AGBL1: variants seen among roughly 807,000 people sequenced by gnomAD.
AGBL1 encodes cytosolic carboxypeptidase 4.
AGBL1 carries 130 observed loss-of-function variants against 118.9 expected under a neutral mutation model. The observed-to-expected ratio is 1.09, with a 90% CI of 0.95 to 1.26. The LOEUF (loss-of-function observed/expected upper bound fraction) is 1.26, where lower values mean the gene tolerates loss of function less well. Among genes scored for constraint, AGBL1 ranks in the 50% most tolerant of loss-of-function variants. AGBL1 has a pLI of 0.00. For synonymous variants in AGBL1, 555 were observed against 478.9 expected, an observed-to-expected ratio of 1.16 and a Z score of -2.08; for missense variants, 1,584 against 1,298.1, an observed-to-expected ratio of 1.22 and a Z score of -3.38.
intron 23 of AGBL1, among the ~76,000 whole-genome samples, chr15:86,925,184 AG>A (rs113840767): frequency 0.59 from 78,911 of 132,860 alleles, 24,041 homozygotes; most frequent in East Asian, 0.68. Context: ...GAAGAGGAAG[AG>A]GAAGAAAAGA....
intron 23 of AGBL1, among the ~76,000 whole-genome samples, chr15:86,965,394 T>C (rs1218715180): frequency 6.6e-6 from 1 of 151,716 alleles, no homozygotes; most frequent in East Asian, 1.9e-4. Flanking sequence ...GATGATGAAC[T>C]TTTTTTTTCA....
At chr15:86,324,763 G>A (rs1272389879) in intron 17 of AGBL1, among the ~76,000 whole-genome samples, 1 of 152,170 alleles carries the variant, frequency 6.6e-6, no homozygotes, top group East Asian at 1.9e-4. Context: ...AGAACAGGAT[G>A]GCCTCTTTGA....
intron 22 of AGBL1, among the ~76,000 whole-genome samples, chr15:86,823,396 C>A (rs76923582): frequency 0.087 from 13,211 of 152,188 alleles, 643 homozygotes; most frequent in South Asian, 0.14. Flanking sequence ...GGACAACAGT[C>A]TGTCAGTGCC....
intron 1 of AGBL1, among the ~76,000 whole-genome samples, chr15:86,131,600 T>C (rs539475221): frequency 6.6e-6 from 1 of 152,272 alleles, no homozygotes; most frequent in East Asian, 1.9e-4. Context: ...GAATTTTGTT[T>C]TAAGAATTAA....
At chr15:86,725,749 C>T (rs1596409966) in intron 22 of AGBL1, among the ~76,000 whole-genome samples, 3 of 152,262 alleles carry the variant, frequency 2.0e-5, no homozygotes, top group African/African-American at 7.2e-5. Flanking sequence ...TGTTCTGATG[C>T]CACTGGTAGG....
chr15:86,856,483 C>T (rs941066298), intron 22 of AGBL1, among the ~76,000 whole-genome samples: 2 of 152,154 alleles, frequency 1.3e-5, no homozygotes, highest in African/African-American at 4.8e-5. Flanking sequence ...AGGCAAATGT[C>T]TTTGTGAAGC....
At chr15:86,926,868 C>T (rs1037146634) in intron 23 of AGBL1, among the ~76,000 whole-genome samples, 9 of 152,134 alleles carry the variant, frequency 5.9e-5, no homozygotes, top group Non-Finnish European at 7.3e-5. Context: ...AGGCCAGGCG[C>T]GGTAGCTCAT....
intron 18 of AGBL1, among the ~76,000 whole-genome samples, chr15:86,428,073 C>T (rs1049347141): frequency 6.6e-6 from 1 of 152,142 alleles, no homozygotes; most frequent in Non-Finnish European, 1.5e-5. Flanking sequence ...CCATGGATGG[C>T]TTGTCTCTTA....
At chr15:86,204,709 C>G (rs1482062570) in intron 5 of AGBL1, among the ~76,000 whole-genome samples, 3 of 152,174 alleles carry the variant, frequency 2.0e-5, no homozygotes, top group African/African-American at 7.2e-5. Flanking sequence ...CCTGCCTCAG[C>G]CTCCCGAGTA....
intron 22 of AGBL1, among the ~76,000 whole-genome samples, chr15:86,684,125 G>T (rs1459201438): frequency 6.6e-6 from 1 of 152,114 alleles, no homozygotes; most frequent in East Asian, 1.9e-4. Flanking sequence ...GGAGGCTAAT[G>T]AACAGGAGAA....
At chr15:86,760,371 C>T (rs1446065119) in intron 22 of AGBL1, among the ~76,000 whole-genome samples, 2 of 152,002 alleles carry the variant, frequency 1.3e-5, no homozygotes, top group East Asian at 3.9e-4. Flanking sequence ...AAATCATTAG[C>T]TCCACACCCG....
chr15:86,293,990 T>C (rs1163299996), intron 16 of AGBL1, among the ~76,000 whole-genome samples: 3 of 152,092 alleles, frequency 2.0e-5, no homozygotes, highest in Non-Finnish European at 2.9e-5. Flanking sequence ...CCCTCTCTGG[T>C]TACTGAAATT....
intron 21 of AGBL1, among the ~76,000 whole-genome samples, chr15:86,671,439 A>G (rs535185153): frequency 6.6e-6 from 1 of 152,272 alleles, no homozygotes; most frequent in Non-Finnish European, 1.5e-5. Flanking sequence ...TGTGGAAAAA[A>G]TTTCTAATTA....
At chr15:86,220,915 G>A (rs1286543260) in intron 5 of AGBL1, among the ~76,000 whole-genome samples, 2 of 152,034 alleles carry the variant, frequency 1.3e-5, no homozygotes, top group African/African-American at 4.8e-5. Context: ...TCTTCAGGCC[G>A]TGCACAGTGA....
At chr15:86,953,523 C>T (rs991811021) in intron 23 of AGBL1, among the ~76,000 whole-genome samples, 17 of 151,432 alleles carry the variant, frequency 1.1e-4, no homozygotes, top group Admixed American at 2.0e-4. Flanking sequence ...CCCAAGTAGC[C>T]GGGACTACAG....
At chr15:86,645,116 T>A (rs896801087) in intron 21 of AGBL1, among the ~76,000 whole-genome samples, 4 of 152,224 alleles carry the variant, frequency 2.6e-5, no homozygotes, top group Non-Finnish European at 4.4e-5. Context: ...AATATCAACA[T>A]GTTAATATTA....
chr15:86,424,992 A>G (rs1278257502), intron 18 of AGBL1, among the ~76,000 whole-genome samples: 6 of 151,646 alleles, frequency 4.0e-5, no homozygotes, highest in African/African-American at 1.5e-4. Flanking sequence ...TGATTCCTCA[A>G]GAATCTAGAA....
At chr15:86,838,180 TAAA>T (rs36126026) in intron 22 of AGBL1, among the ~76,000 whole-genome samples, 1 of 146,076 alleles carries the variant, frequency 6.8e-6, no homozygotes, top group Non-Finnish European at 1.5e-5. Context: ...CTCTGTAACC[TAAA>T]AAAAAAAAAA....
chr15:86,607,559 C>G (rs896312216), intron 21 of AGBL1, among the ~76,000 whole-genome samples: 10 of 152,142 alleles, frequency 6.6e-5, no homozygotes, highest in African/African-American at 2.4e-4. Context: ...AGAGTTCCCT[C>G]TACGCCATAT....
Sources: gnomAD v4.1 joint callset for allele counts (sites outside exome capture counted in the v4.1 genomes callset) on GRCh38, gnomAD v4.1.1 for gene constraint, MANE v1.5 for transcripts, NCBI Gene and HGNC (gene_info 2026-07-23, HGNC 2026-07-21) for gene names.